JAZF1: variants seen among roughly 807,000 people sequenced by gnomAD.
The protein encoded by JAZF1 is juxtaposed with another zinc finger protein 1.
Under a neutral mutation model 26.4 loss-of-function variants are expected in JAZF1, and 8 were observed. The observed-to-expected ratio is 0.30, with a 90% CI of 0.18 to 0.55. JAZF1 has a LOEUF of 0.55. Among genes scored for constraint, JAZF1 ranks in the 20% least tolerant of loss-of-function variants. JAZF1 has a pLI of 0.94. For synonymous variants in JAZF1, 126 were observed against 122.3 expected (o/e 1.03, Z -0.20); for missense variants, 199 against 322.0 (o/e 0.62, Z 2.92).
At chr7:28,078,196 C>A (rs555405190) in intron 1 of JAZF1, among the ~76,000 whole-genome samples, 65 of 152,308 alleles carry the variant, frequency 4.3e-4, no homozygotes, top group African/African-American at 1.5e-3. Context: ...TGATAATGTA[C>A]CACTTACGGG....
At chr7:27,896,970 T>C (rs1784076239) in intron 2 of JAZF1, among the ~76,000 whole-genome samples, 1 of 152,226 alleles carries the variant, frequency 6.6e-6, no homozygotes, top group South Asian at 2.1e-4. Context: ...AGGTAGGTAC[T>C]CATTTATCTT....
At chr7:28,042,096 G>A (rs149634961) in intron 1 of JAZF1, among the ~76,000 whole-genome samples, 1 of 152,374 alleles carries the variant, frequency 6.6e-6, no homozygotes, top group East Asian at 1.9e-4. Flanking sequence ...GAGGAAGAAT[G>A]TGCTGAAAGC....
At chr7:27,868,115 C>T (rs1365203189) in intron 3 of JAZF1, among the ~76,000 whole-genome samples, 1 of 152,190 alleles carries the variant, frequency 6.6e-6, no homozygotes, top group Admixed American at 6.5e-5. Context: ...AATACGACAA[C>T]GGTGCTTGGA....
chr7:27,891,834 C>G (rs1278166538), intron 3 of JAZF1, among the ~76,000 whole-genome samples: 3 of 152,112 alleles, frequency 2.0e-5, no homozygotes, highest in Non-Finnish European at 4.4e-5. Flanking sequence ...CAGTAAGACC[C>G]TGTTTCAAAC....
intron 2 of JAZF1, among the ~76,000 whole-genome samples, chr7:27,980,061 A>G (rs1033960178): frequency 2.0e-4 from 31 of 152,012 alleles, no homozygotes; most frequent in African/African-American, 7.3e-4. Flanking sequence ...GTCCTACCCT[A>G]TTTTTCCAAT....
chr7:27,838,775 T>C (rs952881233), intron 4 of JAZF1, among the ~76,000 whole-genome samples: 5 of 152,166 alleles, frequency 3.3e-5, no homozygotes, highest in Non-Finnish European at 5.9e-5. Flanking sequence ...GTCACAGGTG[T>C]GGTCACAAGC....
At chr7:28,097,909 C>A (rs944818302) in intron 1 of JAZF1, among the ~76,000 whole-genome samples, 1 of 152,188 alleles carries the variant, frequency 6.6e-6, no homozygotes, top group South Asian at 2.1e-4. Flanking sequence ...CACAGGGGTG[C>A]CCAGCTCCAG....
chr7:28,051,995 T>C (rs1175526767), intron 1 of JAZF1, among the ~76,000 whole-genome samples: 1 of 152,200 alleles, frequency 6.6e-6, no homozygotes, highest in Non-Finnish European at 1.5e-5. Flanking sequence ...AAACTGCAGG[T>C]TCACTCTGAG....
chr7:27,895,325 G>T lies in JAZF1; in HGVS notation c.280C>A (p.Arg94=). The change falls in exon 3 of 5, where the codon CGA becomes AGA. Residue 94 remains arginine, a synonymous_variant. Coordinates refer to ENST00000283928, the MANE Select transcript of JAZF1 (RefSeq NM_175061.4). ...CGTGGGGGAGTGGACACATTCCCTC[G>T]AGACACTGAGCTGGACAGAGTCAGC... is the stretch of plus-strand genomic sequence containing the variant. ...LSLTLSSSVS[R]GNVSTPPRHS... The T allele has an allele frequency of 1.2e-6, 2 of 1,611,482 alleles. No homozygotes were observed. Among genetic ancestry groups the T allele is most frequent in the Non-Finnish European group, 1.7e-6 (2 of 1,178,780 alleles).
At chr7:27,866,204 C>T (rs968492832) in intron 3 of JAZF1, among the ~76,000 whole-genome samples, 1 of 151,928 alleles carries the variant, frequency 6.6e-6, no homozygotes, top group Non-Finnish European at 1.5e-5. Flanking sequence ...AGTAATTTTG[C>T]TTACTTAACA....
At position 28,180,644 on chromosome 7, in the gene JAZF1, G is replaced by A. The variant is rs1783632881; in HGVS notation, c.-67C>T. 8.6e-7 allele frequency: 1 copy of A among 1,158,678 alleles called. No individual in the cohort carries two copies. Among genetic ancestry groups the A allele is most frequent in the East Asian group, 2.6e-5 (1 of 39,006 alleles). 71.8% of individuals were successfully genotyped at this position (1,158,678 alleles called of 1,614,324 possible). A position where few individuals can be genotyped will look rare whatever the true frequency, so the allele number is the denominator to read the frequency against. On this transcript the variant is annotated 5_prime_UTR_variant, in exon 1 of 5. Transcript: ENST00000283928. ...GCCGGGCGGGCGAGGGAGGGAGGGA[G>A]GCCGGGTGGGGTGAGGAGAGGAGGG...
chr7:28,029,930 C>T (rs536577240), intron 1 of JAZF1, among the ~76,000 whole-genome samples: 2 of 152,332 alleles, frequency 1.3e-5, no homozygotes, highest in East Asian at 3.9e-4. Flanking sequence ...GTGAATGGAG[C>T]ACTGGCCTCA....
chr7:28,140,866 T>C (rs1038335101), intron 1 of JAZF1, among the ~76,000 whole-genome samples: 2 of 137,668 alleles, frequency 1.5e-5, no homozygotes, highest in Non-Finnish European at 3.1e-5. Context: ...TTAAAATCAC[T>C]GACTTCAAGA....
chr7:27,830,942 G>C lies in JAZF1; in HGVS notation c.*1858C>G, dbSNP rs1007227184. ...GTTTAGCTGTTGAACTACTGATCCA[G>C]CCTGCAGTTTCTTGCACTAGAAAGA... is the stretch of plus-strand genomic sequence containing the variant. On this transcript the variant is annotated 3_prime_UTR_variant, in exon 5 of 5. Coordinates refer to ENST00000283928, the MANE Select transcript of JAZF1 (RefSeq NM_175061.4). The C allele has an allele frequency of 9.2e-6, 2 of 218,182 alleles. No homozygotes were observed. Among genetic ancestry groups the C allele is most frequent in the African/African-American group, 4.5e-5 (2 of 44,498 alleles). 13.5% of individuals were successfully genotyped at this position (218,182 alleles called of 1,614,324 possible).
At chr7:28,043,275 CA>C (rs2128377862) in intron 1 of JAZF1, among the ~76,000 whole-genome samples, 1 of 152,304 alleles carries the variant, frequency 6.6e-6, no homozygotes, top group African/African-American at 2.4e-5. Flanking sequence ...TCTCCAAGAA[CA>C]TGAGCTCTTT....
chr7:27,931,449 G>A (rs1011297089), intron 2 of JAZF1, among the ~76,000 whole-genome samples: 97 of 152,148 alleles, frequency 6.4e-4, no homozygotes, highest in Non-Finnish European at 1.6e-4. Flanking sequence ...TACATTACAA[G>A]AATAAACTCT....
At chr7:28,086,141 T>G (rs1023682998) in intron 1 of JAZF1, among the ~76,000 whole-genome samples, 5 of 152,226 alleles carry the variant, frequency 3.3e-5, no homozygotes, top group African/African-American at 1.2e-4. Context: ...ATCTGAAATG[T>G]CAGCACTCTG....
At position 27,893,865 on chromosome 7, in the gene JAZF1, G is replaced by A. The variant is rs80094565; in HGVS notation, c.385+1355C>T. 8.2e-4 allele frequency among the ~76,000 whole-genome samples: 125 copies of A among 152,274 alleles called. No homozygotes were observed. The East Asian group carries it at 0.019, about 23-fold the overall frequency. On this transcript the variant is annotated intron_variant, in intron 3 of 4. Coordinates refer to ENST00000283928, the MANE Select transcript of JAZF1 (RefSeq NM_175061.4). ...GAACTAGGGAAGAAGGGCTGGGCAC[G>A]CTCTGCTCAGGGTCCAGAGTGCGCT...
intron 1 of JAZF1, among the ~76,000 whole-genome samples, chr7:28,166,581 T>C (rs959265997): frequency 7.9e-5 from 12 of 152,222 alleles, no homozygotes; most frequent in South Asian, 2.1e-4. Context: ...TGTTGCAACA[T>C]GTAATAATTA....
Sources: gnomAD v4.1 joint callset for allele counts (sites outside exome capture counted in the v4.1 genomes callset) on GRCh38, gnomAD v4.1.1 for gene constraint, MANE v1.5 for transcripts, NCBI Gene and HGNC (gene_info 2026-07-23, HGNC 2026-07-21) for gene names.